Variants in LINGO2 observed in about 807,000 individuals in gnomAD.
LINGO2 encodes the protein leucine rich repeat and Ig domain containing 2.
LINGO2 carries 14 observed loss-of-function variants against 30.6 expected under a neutral mutation model. That is an observed-to-expected ratio of 0.46 (90% CI 0.30 to 0.72). The LOEUF (loss-of-function observed/expected upper bound fraction) is 0.72. LINGO2 is among the 30% of genes least tolerant of loss of function. LINGO2 has a pLI of 0.07. For missense variants in LINGO2, 729 were observed against 751.7 expected, an observed-to-expected ratio of 0.97 and a Z score of 0.35; for synonymous variants, 317 against 288.5, an observed-to-expected ratio of 1.10 and a Z score of -1.00.
At chr9:28,188,435 T>G (rs1225857733) in intron 4 of LINGO2, among the ~76,000 whole-genome samples, 1 of 152,110 alleles carries the variant, frequency 6.6e-6, no homozygotes, top group Non-Finnish European at 1.5e-5. Context: ...CCTGCTAAAG[T>G]TGAACCACCT....
chr9:28,067,796 C>T (rs1352441163), intron 4 of LINGO2, among the ~76,000 whole-genome samples: 4 of 152,100 alleles, frequency 2.6e-5, no homozygotes, highest in African/African-American at 9.7e-5. Flanking sequence ...AATTATTTAG[C>T]AACGCATCAA....
chr9:28,550,563 A>G (rs1277412423), intron 1 of LINGO2, among the ~76,000 whole-genome samples: 2 of 151,746 alleles, frequency 1.3e-5, no homozygotes, highest in Non-Finnish European at 1.5e-5. Context: ...AGTAATTGTC[A>G]GGGTGCCATT....
chr9:28,799,968 A>AG, the LINGO2 span, among the ~76,000 whole-genome samples: 1 of 152,008 alleles, frequency 6.6e-6, no homozygotes, highest in Non-Finnish European at 1.5e-5. Flanking sequence ...TTAGCAAAAA[A>AG]CTTTTTTTTT....
chr9:28,262,834 T>A (rs928815171), intron 4 of LINGO2, among the ~76,000 whole-genome samples: 1 of 152,000 alleles, frequency 6.6e-6, no homozygotes, highest in African/African-American at 2.4e-5. Context: ...TGAACTTCAA[T>A]TTTCAGTAAG....
chr9:28,459,257 G>A (rs943969902), intron 2 of LINGO2, among the ~76,000 whole-genome samples: 1 of 108,750 alleles, frequency 9.2e-6, no homozygotes, highest in Non-Finnish European at 1.9e-5. Context: ...AAAAGGATGG[G>A]AAGGAGAAAA....
the LINGO2 span, among the ~76,000 whole-genome samples, chr9:28,763,886 T>G: frequency 6.6e-6 from 1 of 151,816 alleles, no homozygotes; most frequent in Non-Finnish European, 1.5e-5. Flanking sequence ...ATAAGAGATC[T>G]CTCATAATTA....
chr9:28,845,807 T>A, the LINGO2 span, among the ~76,000 whole-genome samples: 1 of 151,754 alleles, frequency 6.6e-6, no homozygotes, highest in African/African-American at 2.4e-5. Flanking sequence ...ATGTTTTAGA[T>A]AAGGATTTAT....
the LINGO2 span, among the ~76,000 whole-genome samples, chr9:29,010,645 G>C: frequency 6.6e-6 from 1 of 152,130 alleles, no homozygotes; most frequent in South Asian, 2.1e-4. Flanking sequence ...GACAATTTGC[G>C]TACTTATTTT....
At chr9:27,985,725 A>G (rs544346643) in intron 5 of LINGO2, among the ~76,000 whole-genome samples, 2 of 134,112 alleles carry the variant, frequency 1.5e-5, no homozygotes, top group East Asian at 2.3e-4. Flanking sequence ...AAGGTAGCCT[A>G]AACAAGCAAA....
intron 4 of LINGO2, among the ~76,000 whole-genome samples, chr9:28,230,068 G>C (rs1394449242): frequency 1.3e-5 from 2 of 151,772 alleles, no homozygotes; most frequent in Non-Finnish European, 3.0e-5. Flanking sequence ...AGTTGTGTTA[G>C]ATGTGAGAAA....
the LINGO2 span, among the ~76,000 whole-genome samples, chr9:28,764,254 C>T: frequency 5.9e-5 from 9 of 151,492 alleles, no homozygotes; most frequent in Non-Finnish European, 1.5e-5. Flanking sequence ...TGAAAAAATC[C>T]TCTCTAAAAT....
intron 2 of LINGO2, among the ~76,000 whole-genome samples, chr9:28,419,966 A>C (rs1823123223): frequency 6.6e-6 from 1 of 152,100 alleles, no homozygotes; most frequent in African/African-American, 2.4e-5. Flanking sequence ...ATTGAATATA[A>C]AGAAAAAATA....
chr9:28,381,582 G>C (rs531575765), intron 2 of LINGO2, among the ~76,000 whole-genome samples: 2 of 151,820 alleles, frequency 1.3e-5, no homozygotes, highest in East Asian at 4.0e-4. Context: ...GTCTGAATCA[G>C]CACCATCAAT....
chr9:28,217,779 T>C (rs1564052529), intron 4 of LINGO2, among the ~76,000 whole-genome samples: 1 of 152,054 alleles, frequency 6.6e-6, no homozygotes, highest in Non-Finnish European at 1.5e-5. Flanking sequence ...AGAAAGTATA[T>C]GACTTCATGA....
chr9:28,315,078 T>TTCTAATAATTCCCAAACGATCATTGG (rs1824790383), intron 3 of LINGO2, among the ~76,000 whole-genome samples: 1 of 151,092 alleles, frequency 6.6e-6, no homozygotes, highest in African/African-American at 2.4e-5. Flanking sequence ...CTTTATTGTA[T>TTCTAATAATTCCCAAACGATCATTGG]TCTAATAATT....
chr9:28,993,322 G>T, the LINGO2 span, among the ~76,000 whole-genome samples: 2 of 152,220 alleles, frequency 1.3e-5, no homozygotes, highest in Non-Finnish European at 2.9e-5. Flanking sequence ...CCAGGAAAAA[G>T]TTGAATCTCT....
intron 2 of LINGO2, among the ~76,000 whole-genome samples, chr9:28,436,555 T>C (rs1039083743): frequency 1.3e-5 from 2 of 152,054 alleles, no homozygotes; most frequent in African/African-American, 4.8e-5. Context: ...CCTCCCGGGT[T>C]CACGCCATTC....
At chr9:28,649,856 A>G (rs7855096) in intron 1 of LINGO2, among the ~76,000 whole-genome samples, 57,244 of 151,872 alleles carry the variant, frequency 0.38, 12,076 homozygotes, top group African/African-American at 0.55. Context: ...AAAACCAAAG[A>G]GAGAGTGCAG....
chr9:29,052,019 G>A, the LINGO2 span, among the ~76,000 whole-genome samples: 2 of 152,072 alleles, frequency 1.3e-5, no homozygotes, highest in Non-Finnish European at 2.9e-5. Flanking sequence ...TGAACCATAC[G>A]AAATTGTTGA....
Sources: gnomAD v4.1 joint callset for allele counts (sites outside exome capture counted in the v4.1 genomes callset) on GRCh38, gnomAD v4.1.1 for gene constraint, MANE v1.5 for transcripts, NCBI Gene and HGNC (gene_info 2026-07-23, HGNC 2026-07-21) for gene names.